The following PMPCB variants were observed in gnomAD, a reference collection of about 807,000 sequenced individuals.
The protein encoded by PMPCB is peptidase, mitochondrial processing subunit beta.
A neutral mutation model predicts 61.5 loss-of-function variants in PMPCB; 46 were observed. That is an observed-to-expected ratio of 0.75 (90% CI 0.59 to 0.96). PMPCB has a LOEUF of 0.96. Ranked by LOEUF, PMPCB falls within the 40% of genes least tolerant of loss-of-function variation. The pLI is 0.00. For missense variants in PMPCB, 590 were observed against 602.4 expected (o/e 0.98, Z 0.22); for synonymous variants, 191 against 201.6 (o/e 0.95, Z 0.44).
chr7:103,315,985 CA>C, downstream of PMPCB: 1 of 1,587,882 alleles, frequency 6.3e-7, no homozygotes, highest in Non-Finnish European at 8.6e-7. Context: ...TCTCAAAACT[CA>C]CCAAGTTTTT....
downstream of PMPCB, among the ~76,000 whole-genome samples, chr7:103,315,479 A>T (rs1287828007): frequency 6.6e-6 from 1 of 152,140 alleles, no homozygotes; most frequent in African/African-American, 2.4e-5. Context: ...CCGATATAAC[A>T]CTATTCTTTA....
chr7:103,326,117 T>C (rs1218030995), intron 12 of PMPCB, among the ~76,000 whole-genome samples: 1 of 152,062 alleles, frequency 6.6e-6, no homozygotes, highest in East Asian at 1.9e-4. Context: ...GAGCTGGGAT[T>C]ACAGGCATGC....
At chr7:103,299,371 G>A (rs1246143130) in intron 2 of PMPCB, 72 bp from the exon 3 acceptor site, 2 of 860,212 alleles carry the variant, frequency 2.3e-6, no homozygotes, top group Non-Finnish European at 3.7e-6. Flanking sequence ...GTCAGAAAAA[G>A]GAAGGAGACT....
Position 103,314,571 on chromosome 7 carries a change from G to A in PMPCB, c.*2300G>A, listed in dbSNP as rs1817941667. The A allele has an allele frequency of 2.0e-6, 2 of 985,224 alleles. No individual in the cohort carries two copies. The highest frequency in any genetic ancestry group is 6.2e-5 in the Admixed American group (1 of 16,256). 61.0% of individuals were successfully genotyped at this position (985,224 alleles called of 1,614,324 possible). Reference sequence around the variant, plus strand: ...AGTGTGCTAATACCTGTTGTATTTTGTGGAGATAAAGGTGCAGGAGAATAA... The same window carrying A: ...AGTGTGCTAATACCTGTTGTATTTTATGGAGATAAAGGTGCAGGAGAATAA... On this transcript the variant is annotated 3_prime_UTR_variant, in exon 13 of 13. Coordinates refer to ENST00000249269, the MANE Select transcript of PMPCB (RefSeq NM_004279.3).
At chr7:103,311,243 C>T (rs1038996992) in intron 9 of PMPCB, 5 of 169,402 alleles carry the variant, frequency 3.0e-5, no homozygotes, top group African/African-American at 9.5e-5. Context: ...CTTTCTAAAT[C>T]TAGTCAACTA....
chr7:103,316,028 G>A, downstream of PMPCB: 1 of 1,602,920 alleles, frequency 6.2e-7, no homozygotes, highest in Non-Finnish European at 8.5e-7. Context: ...TAACATCTTT[G>A]GCAGTTCTTT....
In PMPCB at chr7:103,313,438, T is replaced by G; in HGVS notation, c.*1167T>G. 4 of 984,470 alleles carry G rather than the reference T, an allele frequency of 4.1e-6. No individual in the cohort carries two copies. The highest frequency in any genetic ancestry group is 4.8e-6 in the Non-Finnish European group (4 of 829,052). The allele number at this position is 984,470 out of a possible 1,614,324, so 61.0% of individuals were successfully genotyped here. A position where few individuals can be genotyped will look rare whatever the true frequency, so the allele number is the denominator to read the frequency against. ...TTATAGTACTGTTGGACTCTTGGAC[T>G]CAAAAACACAACCACAATTCATTAA... On this transcript the variant is annotated 3_prime_UTR_variant, in exon 13 of 13. Transcript: ENST00000249269.
At chr7:103,322,710 T>C (rs1173383084) in intron 12 of PMPCB, 4 of 1,612,474 alleles carry the variant, frequency 2.5e-6, no homozygotes, top group Admixed American at 3.3e-5. Context: ...TACCAACTAA[T>C]GTTCTTATTC....
chr7:103,323,680 T>C (rs768465594), intron 12 of PMPCB: 5 of 1,385,268 alleles, frequency 3.6e-6, no homozygotes, highest in South Asian at 1.4e-5. Context: ...TAGACAGAAA[T>C]AATACATGAT....
At chr7:103,320,232 G>A (rs905626217) in intron 12 of PMPCB, among the ~76,000 whole-genome samples, 7 of 151,854 alleles carry the variant, frequency 4.6e-5, no homozygotes, top group Non-Finnish European at 1.0e-4. Context: ...GGAATTACAG[G>A]CGCCTGCCAC....
chr7:103,335,966 G>C, the PMPCB span: 4 of 152,364 alleles, frequency 2.6e-5, no homozygotes, highest in East Asian at 1.9e-4. Flanking sequence ...TCGGGAGTTC[G>C]AGACCAGCCT....
At chr7:103,328,655 A>G (rs1224432395) in intron 12 of PMPCB, among the ~76,000 whole-genome samples, 1 of 152,128 alleles carries the variant, frequency 6.6e-6, no homozygotes, top group Admixed American at 6.5e-5. Flanking sequence ...GAAAAAAACA[A>G]TTCAGATGTA....
chr7:103,326,986 C>T (rs1480188969), intron 12 of PMPCB, among the ~76,000 whole-genome samples: 1 of 152,008 alleles, frequency 6.6e-6, no homozygotes, highest in East Asian at 1.9e-4. Context: ...ATTGTTAGAT[C>T]CCAAGGTTGT....
At chr7:103,315,416 A>G (rs1817993728), downstream of PMPCB, among the ~76,000 whole-genome samples, 1 of 152,156 alleles carries the variant, frequency 6.6e-6, no homozygotes. Context: ...CCTTAAACAT[A>G]AGGACATTTT....
chr7:103,319,513 C>T, downstream of PMPCB: 1 of 1,118,470 alleles, frequency 8.9e-7, no homozygotes, highest in Non-Finnish European at 1.3e-6. Flanking sequence ...AAATCAGATA[C>T]TCCCTGCACT....
the PMPCB span, chr7:103,337,566 T>C: frequency 1.8e-6 from 1 of 566,802 alleles, no homozygotes; most frequent in Non-Finnish European, 3.1e-6. Flanking sequence ...TGCTTTCTTC[T>C]GATTCTGAAG....
At chr7:103,345,315 G>A in the PMPCB span, among the ~76,000 whole-genome samples, 3 of 152,214 alleles carry the variant, frequency 2.0e-5, no homozygotes, top group Non-Finnish European at 4.4e-5. Flanking sequence ...TTGTTCTAAT[G>A]AAGTTTTTAT....
At chr7:103,327,692 C>T in intron 12 of PMPCB, 5 of 1,613,320 alleles carry the variant, frequency 3.1e-6, no homozygotes, top group Non-Finnish European at 3.4e-6. Flanking sequence ...TTATCTCCTT[C>T]TTTTATTGGT....
chr7:103,323,796 C>T (rs1818553634), intron 12 of PMPCB: 8 of 695,406 alleles, frequency 1.2e-5, no homozygotes, highest in Non-Finnish European at 1.4e-5. Flanking sequence ...TCAAGTCTTT[C>T]TCCTTTTTTA....
Sources: allele counts gnomAD v4.1 joint callset (sites outside exome capture counted in the v4.1 genomes callset), GRCh38; gene constraint gnomAD v4.1.1; transcripts MANE v1.5; gene names NCBI Gene and HGNC (gene_info 2026-07-23, HGNC 2026-07-21).